The following CCDC171 variants were observed in gnomAD, a reference collection of about 807,000 sequenced individuals.
CCDC171 encodes coiled-coil domain-containing protein 171.
In CCDC171, 177 loss-of-function variants were observed where a neutral mutation model predicts 168.2. The observed-to-expected ratio is 1.05, with a 90% confidence interval of 0.93 to 1.19. The LOEUF is 1.19. Ranked by LOEUF, CCDC171 falls within the 50% of genes most tolerant of loss-of-function variation. The probability of loss-of-function intolerance (pLI) is 0.00; values close to 1 mark genes in which losing one functional copy is unlikely to be tolerated. For synonymous variants in CCDC171, 687 were observed against 540.8 expected (o/e 1.27, Z -3.75); for missense variants, 1,991 against 1,539.0 (o/e 1.29, Z -4.91).
At chr9:15,914,792 A>T (rs10122085) in intron 24 of CCDC171, among the ~76,000 whole-genome samples, 1 of 152,082 alleles carries the variant, frequency 6.6e-6, no homozygotes, top group Non-Finnish European at 1.5e-5. Context: ...TACCCAAGGG[A>T]ATCTCCTGGT....
intron 25 of CCDC171, among the ~76,000 whole-genome samples, chr9:15,927,411 A>G (rs140367316): frequency 1.3e-5 from 2 of 151,844 alleles, no homozygotes; most frequent in Admixed American, 6.6e-5. Flanking sequence ...ACCCACAGCT[A>G]TGGAGAAACA....
chr9:15,738,160 G>A (rs930462695), intron 16 of CCDC171, among the ~76,000 whole-genome samples: 2 of 152,166 alleles, frequency 1.3e-5, no homozygotes, highest in Admixed American at 1.3e-4. Context: ...CAGCAAGCAA[G>A]AGTGATACAA....
intron 9 of CCDC171, among the ~76,000 whole-genome samples, chr9:15,669,616 C>G (rs1172500676): frequency 6.6e-6 from 1 of 152,058 alleles, no homozygotes; most frequent in Non-Finnish European, 1.5e-5. Context: ...TCTGAATTTT[C>G]AAATATAGTA....
chr9:15,983,813 A>AGGGTGT (rs1491447704), intron 3 of CCDC171, among the ~76,000 whole-genome samples: 1 of 43,382 alleles, frequency 2.3e-5, no homozygotes, highest in African/African-American at 1.5e-4. Flanking sequence ...AGCTAAATAA[A>AGGGTGT]GAGAGTGTGT....
chr9:15,810,267 T>C (rs1028984750), intron 21 of CCDC171, among the ~76,000 whole-genome samples: 2 of 152,292 alleles, frequency 1.3e-5, no homozygotes, highest in East Asian at 1.9e-4. Flanking sequence ...TTGGTGCATA[T>C]ACAATCCTCT....
intron 6 of CCDC171, among the ~76,000 whole-genome samples, chr9:15,600,562 C>T (rs1335869689): frequency 3.3e-5 from 5 of 152,170 alleles, no homozygotes; most frequent in African/African-American, 1.2e-4. Flanking sequence ...GGGTGCCTCC[C>T]AGTTAGGCTA....
intron 25 of CCDC171, among the ~76,000 whole-genome samples, chr9:15,961,456 T>G (rs1830323362): frequency 6.6e-6 from 1 of 152,184 alleles, no homozygotes; most frequent in Non-Finnish European, 1.5e-5. Context: ...AAGTAGCCAC[T>G]CTGCATAAGG....
chr9:15,553,382 G>C (rs1214319517), intron 1 of CCDC171, 80 bp downstream of exon 1: 1 of 152,156 alleles, frequency 6.6e-6, no homozygotes, highest in African/African-American at 2.4e-5. Context: ...CCCTGAGTGA[G>C]TTTGGGGCGG....
intron 11 of CCDC171, among the ~76,000 whole-genome samples, chr9:15,711,615 G>A (rs530361252): frequency 6.6e-6 from 1 of 152,318 alleles, no homozygotes; most frequent in South Asian, 2.1e-4. Flanking sequence ...TGATTGGGTA[G>A]TCAGAACCAC....
intron 21 of CCDC171, among the ~76,000 whole-genome samples, chr9:15,813,226 A>G (rs149708540): frequency 6.6e-6 from 1 of 152,300 alleles, no homozygotes; most frequent in Non-Finnish European, 1.5e-5. Context: ...GGTTATGGAA[A>G]TTTCCCATGT....
chr9:15,981,970 G>C (rs1000761233), intron 3 of CCDC171, among the ~76,000 whole-genome samples: 1 of 152,130 alleles, frequency 6.6e-6, no homozygotes, highest in African/African-American at 2.4e-5. Flanking sequence ...TTCAATAACT[G>C]AAAAGGCTTA....
chr9:15,786,951 T>C (rs758091246), intron 21 of CCDC171, among the ~76,000 whole-genome samples: 1 of 152,144 alleles, frequency 6.6e-6, no homozygotes, highest in Non-Finnish European at 1.5e-5. Flanking sequence ...CTCCCTTCAC[T>C]GATTCTCTTT....
intron 24 of CCDC171, among the ~76,000 whole-genome samples, chr9:15,900,256 A>T (rs1032878814): frequency 1.3e-5 from 2 of 152,140 alleles, no homozygotes; most frequent in Non-Finnish European, 2.9e-5. Context: ...GGTGTCTGAG[A>T]GATGTTCTTC....
chr9:15,598,705 G>C lies in CCDC171; in HGVS notation c.675+4533G>C, dbSNP rs143560514. Among the ~76,000 whole-genome samples the C allele has an allele frequency of 6.9e-3, 1,043 of 152,208 alleles. 7 individuals carry two copies. Among genetic ancestry groups the C allele is most frequent in the African/African-American group, 0.024 (1,010 of 41,520 alleles). ...CTGAGTTCAATTCCTGGATATCCTT[G>C]TTAACTTTCTGTCTCATTGATCTGT... On this transcript the variant is annotated intron_variant, in intron 6 of 25. Coordinates refer to ENST00000380701, the MANE Select transcript of CCDC171 (RefSeq NM_173550.4).
At chr9:15,894,612 A>G (rs915632284) in intron 24 of CCDC171, among the ~76,000 whole-genome samples, 2 of 151,984 alleles carry the variant, frequency 1.3e-5, no homozygotes, top group African/African-American at 2.4e-5. Flanking sequence ...CATTCACTGA[A>G]CTATAGTGAC....
chr9:15,881,666 A>G (rs954587080), intron 24 of CCDC171, among the ~76,000 whole-genome samples: 14 of 152,086 alleles, frequency 9.2e-5, no homozygotes, highest in Admixed American at 5.9e-4. Flanking sequence ...CCACCAATCT[A>G]TATATCTTCA....
chr9:15,646,436 A>G (rs1445935291), intron 7 of CCDC171, among the ~76,000 whole-genome samples: 1 of 152,244 alleles, frequency 6.6e-6, no homozygotes, highest in East Asian at 1.9e-4. Flanking sequence ...TAAATGCTCC[A>G]ATTAAAAGAC....
At chr9:15,713,742 G>A (rs1170092749) in intron 11 of CCDC171, among the ~76,000 whole-genome samples, 1 of 152,020 alleles carries the variant, frequency 6.6e-6, no homozygotes, top group Non-Finnish European at 1.5e-5. Flanking sequence ...TATACATCTT[G>A]AATTTGAGTA....
chr9:15,809,353 A>G (rs2135926965), intron 21 of CCDC171, among the ~76,000 whole-genome samples: 1 of 152,314 alleles, frequency 6.6e-6, no homozygotes, highest in African/African-American at 2.4e-5. Flanking sequence ...ATGAAATGAG[A>G]TAATAAATTC....
Sources: allele counts gnomAD v4.1 joint callset (sites outside exome capture counted in the v4.1 genomes callset), GRCh38; gene constraint gnomAD v4.1.1; transcripts MANE v1.5; gene names NCBI Gene and HGNC (gene_info 2026-07-23, HGNC 2026-07-21).